Variants in GHR observed in about 807,000 individuals in gnomAD.
GHR encodes the protein GH receptor.
GHR carries 35 observed loss-of-function variants against 67.1 expected under a neutral mutation model. The ratio of observed to expected loss-of-function variants is 0.52; its 90% CI spans 0.40 to 0.69. GHR has a LOEUF of 0.69. GHR is among the 30% of genes least tolerant of loss of function. The pLI, the probability that GHR is intolerant of heterozygous loss-of-function variation, is 0.00. For missense variants in GHR, 792 were observed against 764.6 expected (o/e 1.04, Z -0.42); for synonymous variants, 272 against 269.1 (o/e 1.01, Z -0.10).
At position 42,467,203 on chromosome 5, in the gene GHR, C is replaced by T. The variant is rs535138582; in HGVS notation, c.-12+43248C>T. 9 of 1,548,782 alleles carry T rather than the reference C, an allele frequency of 5.8e-6. No individual in the cohort carries two copies. In the South Asian group the frequency reaches 1.0e-4, roughly 17 times the overall value. The stretch of plus-strand genomic sequence containing the variant: ...AGAGAGCTGACTGAAGGCTTGCCCA[C>T]ATTCACTGCAGTCATAAGGTTTCTC... On this transcript the variant is annotated intron_variant, in intron 1 of 9. Coordinates refer to ENST00000230882, the MANE Select transcript of GHR (RefSeq NM_000163.5).
intron 1 of GHR, among the ~76,000 whole-genome samples, chr5:42,499,954 C>A (rs1385548618): frequency 6.6e-6 from 1 of 152,122 alleles, no homozygotes; most frequent in Non-Finnish European, 1.5e-5. Context: ...ATTATTGCCA[C>A]TGAGGAATGC....
At chr5:42,456,608 A>G (rs998893455) in intron 1 of GHR, among the ~76,000 whole-genome samples, 6 of 152,326 alleles carry the variant, frequency 3.9e-5, no homozygotes, top group African/African-American at 1.4e-4. Context: ...TAAAAATTAA[A>G]CAAAGTAAAC....
At chr5:42,641,534 G>C (rs987142082) in intron 3 of GHR, among the ~76,000 whole-genome samples, 1 of 152,060 alleles carries the variant, frequency 6.6e-6, no homozygotes. Flanking sequence ...ACCATGGCTG[G>C]CTGGGCGAAC....
chr5:42,553,040 T>C (rs1749118669), intron 1 of GHR, among the ~76,000 whole-genome samples: 1 of 152,242 alleles, frequency 6.6e-6, no homozygotes. Context: ...CAGTGGTGAT[T>C]ATCTTCCTGA....
chr5:42,509,532 T>G (rs1185110095), intron 1 of GHR, among the ~76,000 whole-genome samples: 2 of 152,202 alleles, frequency 1.3e-5, no homozygotes, highest in African/African-American at 4.8e-5. Context: ...TGGTTTGCCT[T>G]CCTTCTGTTA....
At chr5:42,604,433 A>G (rs1048717295) in intron 2 of GHR, among the ~76,000 whole-genome samples, 1 of 152,224 alleles carries the variant, frequency 6.6e-6, no homozygotes, top group Non-Finnish European at 1.5e-5. Flanking sequence ...CTTTTTTGAA[A>G]TGAAAATCTT....
rs1758925886 is a variant in GHR, at chr5:42,719,710, C to G, written c.*286C>G. On this transcript the variant is annotated 3_prime_UTR_variant, in exon 10 of 10. Transcript: ENST00000230882. ...ATATTGTGGGTGTTAATTTTTGATA[C>G]TAAGCATTGAATGGCTATGTTTTTA... The G allele has an allele frequency of 2.4e-6, 1 of 424,694 alleles. No homozygotes were observed. The highest frequency in any genetic ancestry group is 2.0e-5 in the African/African-American group (1 of 49,622). The allele number at this position is 424,694 out of a possible 1,614,324, so 26.3% of individuals were successfully genotyped here.
At chr5:42,582,014 C>T (rs1204833495) in intron 2 of GHR, among the ~76,000 whole-genome samples, 1 of 152,248 alleles carries the variant, frequency 6.6e-6, no homozygotes, top group Non-Finnish European at 1.5e-5. Context: ...GTCAGGTGTG[C>T]ACACACTCGG....
At chr5:42,550,796 G>C (rs888034944) in intron 1 of GHR, among the ~76,000 whole-genome samples, 1 of 152,100 alleles carries the variant, frequency 6.6e-6, no homozygotes, top group South Asian at 2.1e-4. Flanking sequence ...GTGTTTATTT[G>C]GCATAGCAGC....
At chr5:42,519,218 A>T (rs952010578) in intron 1 of GHR, among the ~76,000 whole-genome samples, 2 of 152,302 alleles carry the variant, frequency 1.3e-5, no homozygotes, top group Admixed American at 1.3e-4. Context: ...GAATTTTTCC[A>T]TGCTTGTCTT....
At chr5:42,576,732 T>C (rs942923284) in intron 2 of GHR, among the ~76,000 whole-genome samples, 1 of 152,206 alleles carries the variant, frequency 6.6e-6, no homozygotes, top group Non-Finnish European at 1.5e-5. Flanking sequence ...TACTGTTATG[T>C]AGTTATAGTT....
At chr5:42,455,526 C>A (rs1744225379) in intron 1 of GHR, among the ~76,000 whole-genome samples, 1 of 152,160 alleles carries the variant, frequency 6.6e-6, no homozygotes, top group Admixed American at 6.5e-5. Context: ...GATTTTTGAA[C>A]TTTCATGGAA....
At position 42,719,506 on chromosome 5, in the gene GHR, T is replaced by G; in HGVS notation, c.*82T>G. 1 of 1,390,556 alleles carries G rather than the reference T, an allele frequency of 7.2e-7. No individual in the cohort carries two copies. Among genetic ancestry groups the G allele is most frequent in the South Asian group, 1.2e-5 (1 of 86,198 alleles). 86.1% of individuals were successfully genotyped at this position (1,390,556 alleles called of 1,614,324 possible). ...ATAACGTTTAAGCCAAAACAATGTT[T>G]AAACCTTTTTTGGGGGAGTGACAGG... On this transcript the variant is annotated 3_prime_UTR_variant, in exon 10 of 10. Transcript: ENST00000230882.
chr5:42,713,621 G>A (rs939364621), intron 8 of GHR, 102 bp downstream of exon 8: 5 of 731,468 alleles, frequency 6.8e-6, no homozygotes, highest in East Asian at 2.5e-5. Context: ...AATTATGAGT[G>A]GAAATTTTAG....
Position 42,713,420 on chromosome 5 carries a change from G to C in GHR, c.785-9G>C. On this transcript the variant is annotated splice_polypyrimidine_tract_variant and intron_variant, in intron 7 of 9. Coordinates refer to ENST00000230882, the MANE Select transcript of GHR (RefSeq NM_000163.5). ...AATTCTGAAAGCGAAATATTCTTGT[G>C]TGTTTCAGATTTCTACTTTCCATGG... is the stretch of plus-strand genomic sequence containing the variant. 8.5e-7 allele frequency: 1 copy of C among 1,178,286 alleles called. No homozygotes were observed. Among genetic ancestry groups the C allele is most frequent in the Non-Finnish European group, 1.3e-6 (1 of 785,498 alleles). 73.0% of individuals were successfully genotyped at this position (1,178,286 alleles called of 1,614,324 possible).
chr5:42,718,494 T>C lies in GHR; in HGVS notation c.987T>C (p.His329=). Reference sequence around the variant, plus strand: ...AGGTGAACACAATCTTAGCCATTCATGATAGCTATAAACCCGAATTCCACA... The same window carrying C: ...AGGTGAACACAATCTTAGCCATTCACGATAGCTATAAACCCGAATTCCACA... ...LEEVNTILAI[H]DSYKPEFHSD... Residue 329 remains histidine, a synonymous_variant, in exon 10 of 10, where the codon CAT becomes CAC. Transcript: ENST00000230882. 1 of 1,610,666 alleles carries C rather than the reference T, an allele frequency of 6.2e-7. No homozygotes were observed. Among genetic ancestry groups the C allele is most frequent in the South Asian group, 1.1e-5 (1 of 91,040 alleles).
intron 1 of GHR, among the ~76,000 whole-genome samples, chr5:42,431,980 A>G (rs1743116877): frequency 1.3e-5 from 2 of 152,174 alleles, no homozygotes; most frequent in Non-Finnish European, 2.9e-5. Flanking sequence ...CTGATAGGGA[A>G]CTGGAACACA....
At chr5:42,478,668 T>C (rs1745459688) in intron 1 of GHR, among the ~76,000 whole-genome samples, 1 of 152,234 alleles carries the variant, frequency 6.6e-6, no homozygotes, top group Non-Finnish European at 1.5e-5. Context: ...AGTTCACTCA[T>C]GATTTGGCTC....
chr5:42,646,667 T>A (rs1754744919), intron 3 of GHR, among the ~76,000 whole-genome samples: 1 of 152,186 alleles, frequency 6.6e-6, no homozygotes, highest in South Asian at 2.1e-4. Flanking sequence ...GTGATGATAC[T>A]ATAGACTCAG....
Sources: allele counts gnomAD v4.1 joint callset (sites outside exome capture counted in the v4.1 genomes callset), GRCh38; gene constraint gnomAD v4.1.1; transcripts MANE v1.5; gene names NCBI Gene and HGNC (gene_info 2026-07-23, HGNC 2026-07-21).